Variants in B3GALT1 observed in about 807,000 individuals in gnomAD.
The protein encoded by B3GALT1 is UDP-Gal:betaGlcNAc beta 1,3-galactosyltransferase, polypeptide 1.
B3GALT1 carries 10 observed loss-of-function variants against 23.2 expected under a neutral mutation model. The ratio of observed to expected loss-of-function variants is 0.43; its 90% CI spans 0.27 to 0.73. The LOEUF is 0.73. Among genes scored for constraint, B3GALT1 ranks in the 30% least tolerant of loss-of-function variants. The pLI is 0.21. For missense variants in B3GALT1, 299 were observed against 405.4 expected, an observed-to-expected ratio of 0.74 and a Z score of 2.25; for synonymous variants, 156 against 141.5, an observed-to-expected ratio of 1.10 and a Z score of -0.73.
chr2:167,725,596 C>T (rs972078236), intron 3 of B3GALT1, among the ~76,000 whole-genome samples: 2 of 152,130 alleles, frequency 1.3e-5, no homozygotes, highest in African/African-American at 4.8e-5. Context: ...CAAGGGTACA[C>T]GGAAAGTAGG....
intron 3 of B3GALT1, among the ~76,000 whole-genome samples, chr2:167,817,295 C>T (rs72623166): frequency 0.11 from 17,153 of 152,140 alleles, 1,477 homozygotes; most frequent in East Asian, 0.35. Context: ...ACAGATAATA[C>T]GTATAAGTAA....
chr2:167,384,704 A>G (rs1481392614), intron 1 of B3GALT1, among the ~76,000 whole-genome samples: 2 of 152,016 alleles, frequency 1.3e-5, no homozygotes, highest in African/African-American at 4.8e-5. Context: ...TCTTTCTTGC[A>G]TTATTGCCAT....
intron 1 of B3GALT1, among the ~76,000 whole-genome samples, chr2:167,452,395 A>G (rs1450725110): frequency 6.6e-6 from 1 of 151,742 alleles, no homozygotes; most frequent in African/African-American, 2.4e-5. Flanking sequence ...CTATCCCTGT[A>G]TTTCACTCGG....
At chr2:167,696,811 T>C (rs141687975) in intron 3 of B3GALT1, among the ~76,000 whole-genome samples, 72 of 152,268 alleles carry the variant, frequency 4.7e-4, no homozygotes, top group African/African-American at 1.6e-3. Flanking sequence ...CTCGTCCATC[T>C]CTTCTATCAA....
chr2:167,842,879 AATAAT>A (rs1463849036), intron 4 of B3GALT1, among the ~76,000 whole-genome samples: 1 of 152,136 alleles, frequency 6.6e-6, no homozygotes, highest in Non-Finnish European at 1.5e-5. Flanking sequence ...TAATAATAAT[AATAAT>A]ATGTATTAAG....
At chr2:167,853,988 G>A (rs373093246) in intron 4 of B3GALT1, among the ~76,000 whole-genome samples, 2 of 152,090 alleles carry the variant, frequency 1.3e-5, no homozygotes, top group African/African-American at 4.8e-5. Context: ...AGGGTTTTCA[G>A]ATATCATCTT....
chr2:167,787,853 A>G (rs1489118603), intron 3 of B3GALT1, among the ~76,000 whole-genome samples: 2 of 152,162 alleles, frequency 1.3e-5, no homozygotes, highest in African/African-American at 2.4e-5. Context: ...TGTTCAGGGG[A>G]TCCTGGGGAT....
chr2:167,536,993 C>G (rs1189432325), intron 2 of B3GALT1, among the ~76,000 whole-genome samples: 1 of 152,200 alleles, frequency 6.6e-6, no homozygotes, highest in East Asian at 1.9e-4. Flanking sequence ...GTCGCAGATC[C>G]CTGGGCCAAC....
intron 2 of B3GALT1, among the ~76,000 whole-genome samples, chr2:167,548,685 A>AGTGTGTGTGTGTGTGTGTGT (rs71031297): frequency 1.4e-5 from 2 of 144,788 alleles, no homozygotes; most frequent in South Asian, 2.2e-4. Context: ...CGTGTGTGTG[A>AGTGTGTGTGTGTGTGTGTGT]GTGTGTGTGT....
chr2:167,559,419 G>A (rs185398257), intron 2 of B3GALT1, among the ~76,000 whole-genome samples: 57 of 152,320 alleles, frequency 3.7e-4, no homozygotes, highest in African/African-American at 1.2e-3. Context: ...CCAAAGGAAC[G>A]CAATTCCTCA....
At chr2:167,628,335 C>T (rs542464660) in intron 2 of B3GALT1, among the ~76,000 whole-genome samples, 26 of 151,660 alleles carry the variant, frequency 1.7e-4, no homozygotes, top group Admixed American at 1.5e-3. Context: ...TGAGAGTAAA[C>T]TTTTAGGAGA....
At chr2:167,835,642 G>A (rs1013494028) in intron 4 of B3GALT1, among the ~76,000 whole-genome samples, 1 of 152,242 alleles carries the variant, frequency 6.6e-6, no homozygotes, top group Admixed American at 6.5e-5. Context: ...AACCTCTGCA[G>A]ACTTAAATGT....
At chr2:167,735,251 G>A (rs1687474059) in intron 3 of B3GALT1, among the ~76,000 whole-genome samples, 1 of 152,144 alleles carries the variant, frequency 6.6e-6, no homozygotes. Context: ...AGAGCCCCTG[G>A]TTATATCAAA....
At chr2:167,806,512 G>C (rs113744652) in intron 3 of B3GALT1, among the ~76,000 whole-genome samples, 4 of 152,286 alleles carry the variant, frequency 2.6e-5, no homozygotes, top group African/African-American at 9.6e-5. Context: ...AACTTATTGA[G>C]AGTTTTTAGC....
chr2:167,564,921 G>C (rs1188551110), intron 2 of B3GALT1, among the ~76,000 whole-genome samples: 1 of 152,224 alleles, frequency 6.6e-6, no homozygotes, highest in African/African-American at 2.4e-5. Flanking sequence ...CATGAAAATG[G>C]CCATACTGCC....
At chr2:167,711,416 T>C (rs1046888929) in intron 3 of B3GALT1, among the ~76,000 whole-genome samples, 3 of 152,194 alleles carry the variant, frequency 2.0e-5, no homozygotes, top group Non-Finnish European at 4.4e-5. Context: ...AATGAACAAA[T>C]GGGTGAATGA....
chr2:167,458,054 C>T (rs1699197999), intron 1 of B3GALT1, among the ~76,000 whole-genome samples: 1 of 152,080 alleles, frequency 6.6e-6, no homozygotes, highest in African/African-American at 2.4e-5. Context: ...CCATGATCAC[C>T]ATCCCATCTC....
chr2:167,645,906 TTGCGG>T (rs1432536600), intron 2 of B3GALT1, among the ~76,000 whole-genome samples: 3 of 151,994 alleles, frequency 2.0e-5, no homozygotes, highest in Non-Finnish European at 4.4e-5. Flanking sequence ...GAGTGGGTGA[TTGCGG>T]TGTTTGTAAA....
intron 1 of B3GALT1, among the ~76,000 whole-genome samples, chr2:167,372,305 T>A (rs58708813): frequency 0.12 from 18,932 of 152,056 alleles, 1,498 homozygotes; most frequent in East Asian, 0.39. Flanking sequence ...ATGAATTTTT[T>A]AAAAAATTTC....
Sources: allele counts gnomAD v4.1 joint callset (sites outside exome capture counted in the v4.1 genomes callset), GRCh38; gene constraint gnomAD v4.1.1; transcripts MANE v1.5; gene names NCBI Gene and HGNC (gene_info 2026-07-23, HGNC 2026-07-21).